The following CDYL variants were observed in gnomAD, a reference collection of about 807,000 sequenced individuals.
The protein encoded by CDYL is chromodomain Y-like protein.
CDYL carries 8 observed loss-of-function variants against 47.3 expected under a neutral mutation model. The ratio of observed to expected loss-of-function variants is 0.17; its 90% confidence interval spans 0.10 to 0.31. The LOEUF (loss-of-function observed/expected upper bound fraction) is 0.31. CDYL is among the 10% of genes least tolerant of loss of function. The pLI, the probability that CDYL is intolerant of heterozygous loss-of-function variation, is 1.00. For synonymous variants in CDYL, 266 were observed against 265.0 expected (o/e 1.00, Z -0.04); for missense variants, 471 against 701.4 (o/e 0.67, Z 3.71).
In CDYL at chr6:4,793,437, G is replaced by A. The variant is rs138179414; in HGVS notation, c.24+16630G>A. 4.3e-4 allele frequency among the ~76,000 whole-genome samples: 66 copies of A among 152,290 alleles called. No individual in the cohort carries two copies. The East Asian group carries it at 8.9e-3, about 20-fold the overall frequency. On this transcript the variant is annotated intron_variant, in intron 1 of 6. Coordinates refer to ENST00000397588, the MANE Select transcript of CDYL (RefSeq NM_004824.4). Reference sequence around the variant, plus strand: ...TTGGGACTGGGGTTGGAGTGAGGCCGGCAGGAGGCCAGTGTCTCTGGAAAC... The same window carrying A: ...TTGGGACTGGGGTTGGAGTGAGGCCAGCAGGAGGCCAGTGTCTCTGGAAAC...
chr6:4,749,469 TGG>T (rs1757954698), intron 3 of CDYL, among the ~76,000 whole-genome samples: 1 of 23,438 alleles, frequency 4.3e-5, no homozygotes. Context: ...ATGTGATGGA[TGG>T]ATGGATGAAT....
At chr6:4,776,096 G>C (rs1179595143), upstream of CDYL, among the ~76,000 whole-genome samples, 1 of 150,376 alleles carries the variant, frequency 6.6e-6, no homozygotes, top group Non-Finnish European at 1.5e-5. Flanking sequence ...CTGGGGGGCG[G>C]TGCCGCGGGC....
At chr6:4,716,844 C>CT (rs1732464322) in intron 2 of CDYL, among the ~76,000 whole-genome samples, 2 of 152,116 alleles carry the variant, frequency 1.3e-5, no homozygotes, top group Admixed American at 6.5e-5. Context: ...GACAAAGACA[C>CT]TGACAAGGAG....
intron 2 of CDYL, among the ~76,000 whole-genome samples, chr6:4,730,541 G>A (rs929272743): frequency 8.6e-5 from 13 of 151,926 alleles, no homozygotes; most frequent in African/African-American, 2.7e-4. Flanking sequence ...TGGCGTGCTG[G>A]TGCATGCCTA....
intron 1 of CDYL, among the ~76,000 whole-genome samples, chr6:4,807,266 G>A (rs1367092252): frequency 8.5e-5 from 13 of 152,172 alleles, no homozygotes; most frequent in Non-Finnish European, 1.6e-4. Context: ...CTTATAGATG[G>A]GGTATATGAT....
chr6:4,724,795 T>C (rs1158641277), intron 2 of CDYL: 2 of 152,150 alleles, frequency 1.3e-5, no homozygotes, highest in African/African-American at 2.4e-5. Context: ...AAAAGCAGTG[T>C]GGACTCAAAG....
chr6:4,900,535 C>T (rs1001568206), intron 2 of CDYL, among the ~76,000 whole-genome samples: 1 of 151,506 alleles, frequency 6.6e-6, no homozygotes, highest in Non-Finnish European at 1.5e-5. Flanking sequence ...CTATTGTAAA[C>T]GATAAAACAC....
At chr6:4,831,265 A>G (rs961782754) in intron 1 of CDYL, among the ~76,000 whole-genome samples, 1 of 152,166 alleles carries the variant, frequency 6.6e-6, no homozygotes, top group African/African-American at 2.4e-5. Flanking sequence ...ATAAGGTGTA[A>G]GGAAGGGATC....
intron 2 of CDYL, among the ~76,000 whole-genome samples, chr6:4,897,522 AAG>A (rs1762318057): frequency 6.6e-6 from 1 of 152,202 alleles, no homozygotes; most frequent in Non-Finnish European, 1.5e-5. Context: ...AGGGAAGTAT[AAG>A]AGGCACAGCT....
intron 3 of CDYL, among the ~76,000 whole-genome samples, chr6:4,765,786 A>G (rs1758243583): frequency 6.6e-6 from 1 of 151,950 alleles, no homozygotes; most frequent in South Asian, 2.1e-4. Context: ...CTGGTCTCGA[A>G]CTCCTGACCT....
rs937339326 is a variant in CDYL at position 4,799,827 on chromosome 6, C to A, written c.24+23020C>A. On this transcript the variant is annotated intron_variant, in intron 1 of 6. Coordinates refer to ENST00000397588, the MANE Select transcript of CDYL (RefSeq NM_004824.4). Reference sequence around the variant, plus strand: ...GTTAGAATTTCCAAATACGATTGTGCATTGGTTGTTTCTGTTTCTGTTTCA... The same window carrying A: ...GTTAGAATTTCCAAATACGATTGTGAATTGGTTGTTTCTGTTTCTGTTTCA... 3.9e-5 allele frequency among the ~76,000 whole-genome samples: 6 copies of A among 152,046 alleles called. No individual in the cohort carries two copies. In the East Asian group the frequency reaches 1.2e-3, roughly 30 times the overall value.
At chr6:4,865,290 G>A (rs1018830578) in intron 1 of CDYL, among the ~76,000 whole-genome samples, 7 of 152,054 alleles carry the variant, frequency 4.6e-5, no homozygotes, top group Admixed American at 6.6e-5. Flanking sequence ...CCCGCCACTC[G>A]GGCTCATACC....
intron 3 of CDYL, among the ~76,000 whole-genome samples, chr6:4,749,574 A>G (rs1032736069): frequency 6.6e-6 from 1 of 152,200 alleles, no homozygotes; most frequent in Non-Finnish European, 1.5e-5. Flanking sequence ...GACTGTTTCA[A>G]TGTTTTCTGA....
At chr6:4,865,927 A>G (rs2127470732) in intron 1 of CDYL, among the ~76,000 whole-genome samples, 1 of 152,358 alleles carries the variant, frequency 6.6e-6, no homozygotes, top group South Asian at 2.1e-4. Context: ...CTACAGTTTT[A>G]AGTGGACATA....
At chr6:4,807,235 C>T (rs1039667431) in intron 1 of CDYL, among the ~76,000 whole-genome samples, 7 of 152,192 alleles carry the variant, frequency 4.6e-5, no homozygotes, top group Non-Finnish European at 8.8e-5. Context: ...TGCAGCTCAG[C>T]CCATACATTT....
At chr6:4,940,404 GTA>G (rs1395055473) in intron 4 of CDYL, among the ~76,000 whole-genome samples, 2 of 152,198 alleles carry the variant, frequency 1.3e-5, no homozygotes, top group East Asian at 3.9e-4. Context: ...CTCTTCCTGT[GTA>G]TATTTTTCAT....
intron 3 of CDYL, among the ~76,000 whole-genome samples, chr6:4,762,645 CAAAAAAAAAA>C (rs1173404314): frequency 1.3e-4 from 5 of 39,624 alleles, no homozygotes; most frequent in Non-Finnish European, 2.7e-4. Flanking sequence ...TAAAGGGTAC[CAAAAAAAAAA>C]AAAAAAAAAA....
exon 2 of CDYL, chr6:4,715,752 A>G: frequency 1.2e-6 from 2 of 1,613,446 alleles, no homozygotes; most frequent in East Asian, 2.2e-5. Flanking sequence ...TGGTCATCAG[A>G]GAACACAGAG....
chr6:4,842,514 T>C (rs1760531235), intron 1 of CDYL, among the ~76,000 whole-genome samples: 2 of 152,084 alleles, frequency 1.3e-5, no homozygotes, highest in South Asian at 2.1e-4. Context: ...TTTATCATTA[T>C]ATAATGCCCC....
Sources: allele counts gnomAD v4.1 joint callset (sites outside exome capture counted in the v4.1 genomes callset), GRCh38; gene constraint gnomAD v4.1.1; transcripts MANE v1.5; gene names NCBI Gene and HGNC (gene_info 2026-07-23, HGNC 2026-07-21).